MFN2: variants seen among roughly 807,000 people sequenced by gnomAD.
MFN2 encodes mitofusin 2.
MFN2 carries 43 observed loss-of-function variants against 87.5 expected under a neutral mutation model. The observed-to-expected ratio is 0.49, with a 90% CI of 0.38 to 0.63. The LOEUF is 0.63. MFN2 is among the 30% of genes least tolerant of loss of function. MFN2 has a pLI of 0.00. For synonymous variants in MFN2, 337 were observed against 359.9 expected (o/e 0.94, Z 0.72); for missense variants, 743 against 972.8 (o/e 0.76, Z 3.14).
In MFN2 at chr1:12,006,676, C is replaced by A. The variant is rs1557533399; in HGVS notation, c.1855C>A (p.Leu619Ile). Residue 619 changes from leucine to isoleucine, a missense_variant, in exon 16 of 19, where the codon CTT becomes ATT. Coordinates refer to ENST00000235329, the MANE Select transcript of MFN2 (RefSeq NM_014874.4). ...SLTSRTSMGI[L>I]VVGGVVWKAV... ...GACATCCAGGACCTCCATGGGCATT[C>A]TTGTTGTTGGAGGAGTGGTCAGTGA... 1 of 1,608,424 alleles carries A rather than the reference C, an allele frequency of 6.2e-7. No individual in the cohort carries two copies. The highest frequency in any genetic ancestry group is 8.5e-7 in the Non-Finnish European group (1 of 1,177,106).
chr1:11,992,512 T>C (rs967045363), intron 3 of MFN2, 43 bp from the exon 4 acceptor site: 1 of 1,613,700 alleles, frequency 6.2e-7, no homozygotes, highest in African/African-American at 1.3e-5. Context: ...ACTGTGGAAC[T>C]CCTCTGACCA....
chr1:12,005,386 T>C (rs559264912), intron 14 of MFN2, among the ~76,000 whole-genome samples: 1 of 152,358 alleles, frequency 6.6e-6, no homozygotes, highest in African/African-American at 2.4e-5. Flanking sequence ...CCTGGCCTTG[T>C]GAACTCATTC....
rs528330690 is a variant in MFN2 at position 12,001,406 on chromosome 1, G to A, written c.822G>A (p.Arg274=). Residue 274 remains arginine (R), a synonymous_variant, in exon 9 of 19, where the codon CGG becomes CGA. Coordinates refer to ENST00000235329, the MANE Select transcript of MFN2 (RefSeq NM_014874.4). ...ASEPEYMEEV[R]RQHMERCTSF... ...CACATTTGTTTGGGCTCCAGGTGCGGCGGCAGCACATGGAGCGTTGTACCA... is the reference window on the plus strand; with the variant it reads ...CACATTTGTTTGGGCTCCAGGTGCGACGGCAGCACATGGAGCGTTGTACCA... The A allele has an allele frequency of 1.5e-5, 25 of 1,613,582 alleles. No homozygotes were observed. The African/African-American group carries it at 1.7e-4, about 11-fold the overall frequency.
chr1:11,986,277 C>G (rs873457), intron 2 of MFN2, among the ~76,000 whole-genome samples: 94,733 of 152,052 alleles, frequency 0.62, 29,877 homozygotes, highest in South Asian at 0.68. Context: ...GGAAGTTTTT[C>G]ACGTGTGCTT....
rs564666784 is a variant in MFN2 at position 11,988,108 on chromosome 1, G to T, written c.-4-1057G>T. Among the ~76,000 whole-genome samples the T allele has an allele frequency of 5.6e-4, 84 of 151,338 alleles. No individual in the cohort carries two copies. The South Asian group carries it at 0.013, about 23-fold the overall frequency. Reference sequence around the variant, plus strand: ...TTTGTGTGTGTGTGTGTGTGTGTGTGTTTTTCTTTGTTGAGACTTGGTCTG... The same window carrying T: ...TTTGTGTGTGTGTGTGTGTGTGTGTTTTTTTCTTTGTTGAGACTTGGTCTG... On this transcript the variant is annotated intron_variant, in intron 2 of 18. Coordinates refer to ENST00000235329, the MANE Select transcript of MFN2 (RefSeq NM_014874.4).
At position 12,006,676 on chromosome 1, in the gene MFN2, CTTG is replaced by C. The variant is rs1557533412; in HGVS notation, c.1862_1864del (p.Val621del). 7 of 1,608,424 alleles carry C rather than the reference CTTG, an allele frequency of 4.4e-6. No homozygotes were observed. Among genetic ancestry groups the C allele is most frequent in the South Asian group, 2.2e-5 (2 of 90,994 alleles). ...GACATCCAGGACCTCCATGGGCATT[CTTG>C]TTGTTGGAGGAGTGGTCAGTGACCA... On this transcript the variant is annotated inframe_deletion, in exon 16 of 19. Transcript: ENST00000235329.
chr1:11,983,659 G>A (rs1389491184), intron 2 of MFN2, among the ~76,000 whole-genome samples: 1 of 152,172 alleles, frequency 6.6e-6, no homozygotes, highest in African/African-American at 2.4e-5. Flanking sequence ...AGGCAGAGGA[G>A]GAACCCAGCT....
At chr1:12,008,423 ACC>A (rs372992677) in intron 17 of MFN2, among the ~76,000 whole-genome samples, 1 of 139,668 alleles carries the variant, frequency 7.2e-6, no homozygotes, top group African/African-American at 2.8e-5. Flanking sequence ...GCGGGGGCTG[ACC>A]CCCCCCACCT....
intron 6 of MFN2, among the ~76,000 whole-genome samples, chr1:11,998,256 C>T (rs1032442469): frequency 1.3e-5 from 2 of 151,886 alleles, no homozygotes; most frequent in Non-Finnish European, 2.9e-5. Flanking sequence ...TGTTTAAAAA[C>T]ACTCATTTCT....
Position 12,001,546 on chromosome 1 carries a change from C to T in MFN2, c.962C>T (p.Pro321Leu), listed in dbSNP as rs1371360768. The T allele has an allele frequency of 6.2e-7, 1 of 1,614,160 alleles. No homozygotes were observed. The change falls in exon 9 of 19, where the codon CCT (proline) becomes CTT (leucine). Residue 321 changes from proline (P) to leucine (L), a missense_variant. This residue lies in a region of MFN2 where 571 missense variants were observed against 670.7 expected (regional missense o/e 0.85). Transcript: ENST00000235329. ...AGGATTCAGAAAGCCCAGGGCATGCCTGAAGGAGGTAATGATGAGAACAGA... is the reference window on the plus strand; with the variant it reads ...AGGATTCAGAAAGCCCAGGGCATGCTTGAAGGAGGTAATGATGAGAACAGA... ...NARIQKAQGM[P>L]EGGGALAEGF... is the part of the protein sequence containing the mutation.
At position 12,003,979 on chromosome 1, in the gene MFN2, A is replaced by G; in HGVS notation, c.1161-13A>G. 1.2e-6 allele frequency: 2 copies of G among 1,614,130 alleles called. No homozygotes were observed. Among genetic ancestry groups the G allele is most frequent in the Non-Finnish European group, 1.7e-6 (2 of 1,180,008 alleles). On this transcript the variant is annotated splice_polypyrimidine_tract_variant and intron_variant, in intron 11 of 18. Transcript: ENST00000235329. This position sits in a 1 kb window ranked among gnomAD's most constrained non-coding sequence, Gnocchi z 4.1. ...ACAGGAACATGGATTTCTCACCAGT[A>G]CTCTGCTTTCAGGGTTTACTGCGAG...
At position 12,003,553 on chromosome 1, in the gene MFN2, A is replaced by T. The variant is rs1361874716; in HGVS notation, c.1161-439A>T. Among the ~76,000 whole-genome samples the T allele has an allele frequency of 6.6e-6, 1 of 151,990 alleles. No homozygotes were observed. Among genetic ancestry groups the T allele is most frequent in the African/African-American group, 2.4e-5 (1 of 41,368 alleles). On this transcript the variant is annotated intron_variant, in intron 11 of 18. Coordinates refer to ENST00000235329, the MANE Select transcript of MFN2 (RefSeq NM_014874.4). This position sits in a 1 kb window ranked among gnomAD's most constrained non-coding sequence, Gnocchi z 4.1. ...GTGGCGCATGCCTGTAATCCCAGCT[A>T]CTCGGGAGGCTGAAGCAGGAGAATC...
intron 3 of MFN2, among the ~76,000 whole-genome samples, chr1:11,991,213 A>C (rs1418215952): frequency 6.6e-6 from 1 of 152,196 alleles, no homozygotes; most frequent in African/African-American, 2.4e-5. Flanking sequence ...CGTAGCAAAC[A>C]TTTGTGCACC....
intron 4 of MFN2, among the ~76,000 whole-genome samples, 180 bp from the exon 5 acceptor site, chr1:11,995,976 G>C (rs1638890597): frequency 6.6e-6 from 1 of 152,166 alleles, no homozygotes. Flanking sequence ...TCAGAGGTTT[G>C]GGCCTGGGGG....
At chr1:12,007,895 G>C in intron 17 of MFN2, among the ~76,000 whole-genome samples, 1 of 152,032 alleles carries the variant, frequency 6.6e-6, no homozygotes, top group Non-Finnish European at 1.5e-5. Context: ...GAGGACCCTG[G>C]GGCCTTCCGC....
chr1:11,997,256 G>A (rs772503190), intron 5 of MFN2, 41 bp from the exon 6 acceptor site: 3 of 1,613,012 alleles, frequency 1.9e-6, no homozygotes, highest in African/African-American at 2.7e-5. Flanking sequence ...CTGGCCTGGT[G>A]GTTCCTCCTC....
chr1:12,004,173 G>A lies in MFN2; in HGVS notation c.1287+55G>A, dbSNP rs559594576. On this transcript the variant is annotated intron_variant, in intron 12 of 18. Transcript: ENST00000235329. The surrounding 1 kb of genome is among the most constrained non-coding windows in gnomAD (Gnocchi z 4.2). ...AGATTTGGACTCCGAGTAGAGTCCA[G>A]AAGAAAGCAGACCTCCTCCTCTTAG... 19 of 1,607,018 alleles carry A rather than the reference G, an allele frequency of 1.2e-5. No homozygotes were observed. In the African/African-American group the frequency reaches 1.7e-4, roughly 15 times the overall value.
intron 2 of MFN2, among the ~76,000 whole-genome samples, chr1:11,986,476 A>G (rs1638410147): frequency 6.6e-6 from 1 of 151,998 alleles, no homozygotes; most frequent in African/African-American, 2.4e-5. Context: ...TCTGCTCAAG[A>G]AGTAGCTTTC....
In MFN2 at chr1:12,001,764, C is replaced by T. The variant is rs749120321; in HGVS notation, c.971-5C>T. 14 of 1,613,988 alleles carry T rather than the reference C, an allele frequency of 8.7e-6. No individual in the cohort carries two copies. The highest frequency in any genetic ancestry group is 3.3e-4 in the Middle Eastern group (2 of 6,080). ...TTCTGGACTAATGCAGTACAATCCT[C>T]CTAGGGGGCGCTCTCGCAGAAGGCT... On this transcript the variant is annotated splice_polypyrimidine_tract_variant and splice_region_variant and intron_variant, in intron 9 of 18. Transcript: ENST00000235329.
Sources: gnomAD v4.1 joint callset for allele counts (sites outside exome capture counted in the v4.1 genomes callset) on GRCh38, gnomAD v4.1.1 for gene constraint, gnomAD v4.1.1 regional missense constraint, Gnocchi (gnomAD v3.1) non-coding constraint, MANE v1.5 for transcripts, NCBI Gene and HGNC (gene_info 2026-07-23, HGNC 2026-07-21) for gene names.